ATP2B2: variants seen among roughly 807,000 people sequenced by gnomAD.
ATP2B2 encodes plasma membrane calcium-transporting ATPase 2.
ATP2B2 carries 15 observed loss-of-function variants against 120.0 expected under a neutral mutation model. The observed-to-expected ratio is 0.12, with a 90% CI of 0.08 to 0.19. ATP2B2 has a LOEUF of 0.19. ATP2B2 is among the 10% of genes least tolerant of loss of function. The pLI is 1.00. For synonymous variants in ATP2B2, 694 were observed against 700.3 expected (o/e 0.99, Z 0.14); for missense variants, 1,045 against 1,719.8 (o/e 0.61, Z 6.94).
At chr3:10,597,140 T>TACACACAGGCACATACACACAGGCAC (rs1419343936) in intron 2 of ATP2B2, among the ~76,000 whole-genome samples, 3 of 116,490 alleles carry the variant, frequency 2.6e-5, no homozygotes, top group African/African-American at 1.0e-4. Flanking sequence ...GGCAAACAGG[T>TACACACAGGCACATACACACAGGCAC]ACACACAGGC....
At chr3:10,508,661 T>G (rs1029415098), upstream of ATP2B2, among the ~76,000 whole-genome samples, 6 of 152,236 alleles carry the variant, frequency 3.9e-5, no homozygotes, top group African/African-American at 1.4e-4. Flanking sequence ...TTGCCTTCTC[T>G]TCCTGCAGCA....
intron 2 of ATP2B2, among the ~76,000 whole-genome samples, chr3:10,571,801 C>T (rs147502775): frequency 9.8e-5 from 15 of 152,310 alleles, no homozygotes; most frequent in Middle Eastern, 3.4e-3. Flanking sequence ...TGTCCTGTGT[C>T]GCTTCTGGCA....
At chr3:10,364,471 G>T (rs2060985425) in intron 12 of ATP2B2, among the ~76,000 whole-genome samples, 1 of 152,154 alleles carries the variant, frequency 6.6e-6, no homozygotes, top group Non-Finnish European at 1.5e-5. Flanking sequence ...AGCACTTTGG[G>T]AAGCTGAGGT....
At chr3:10,377,333 G>T (rs2061409787) in intron 10 of ATP2B2, among the ~76,000 whole-genome samples, 1 of 151,712 alleles carries the variant, frequency 6.6e-6, no homozygotes, top group South Asian at 2.1e-4. Context: ...GGGGCTGGAA[G>T]CCAAGCTCCC....
rs77260894 is a variant in ATP2B2, at chr3:10,468,790, T to C, written c.-319-18928A>G. Among the ~76,000 whole-genome samples, 317 of 152,304 alleles carry C rather than the reference T, an allele frequency of 2.1e-3. 5 individuals are homozygous for C. The South Asian group carries it at 0.041, about 20-fold the overall frequency. On this transcript the variant is annotated intron_variant, in intron 1 of 22. Coordinates refer to ENST00000360273, the MANE Select transcript of ATP2B2 (RefSeq NM_001001331.4). ...GTTCCTATCAGTGCCAAGTCCTGCT[T>C]CCTCTGCCATCTGTCTGCCTTGCCA...
chr3:10,643,727 G>T (rs1203428888), intron 1 of ATP2B2, among the ~76,000 whole-genome samples: 1 of 152,158 alleles, frequency 6.6e-6, no homozygotes, highest in African/African-American at 2.4e-5. Context: ...GCAAAGAAAG[G>T]CTGGGCAGAT....
At chr3:10,366,734 T>G (rs1163260098) in intron 12 of ATP2B2, among the ~76,000 whole-genome samples, 2 of 152,134 alleles carry the variant, frequency 1.3e-5, no homozygotes, top group Non-Finnish European at 2.9e-5. Context: ...AAGAGCTATT[T>G]CCATCTGAAA....
Position 10,400,979 on chromosome 3 carries a change from A to G in ATP2B2, c.755T>C (p.Val252Ala). ...TGACAGCAGCATGGGGTCCTTGTCCACGGACTTGCGCACCTGGTCAGACTC... is the reference window on the plus strand; with the variant it reads ...TGACAGCAGCATGGGGTCCTTGTCCGCGGACTTGCGCACCTGGTCAGACTC... ...TGESDQVRKSVDKDPMLLSGT... is the reference protein window; with the variant it reads ...TGESDQVRKSADKDPMLLSGT... The change falls in exon 5 of 23, where the codon GTG becomes GCG. Residue 252 changes from valine (V) to alanine (A), a missense_variant. Val to Ala is a moderately conservative substitution (Grantham distance 64). This residue lies in a region of ATP2B2 where 145 missense variants were observed against 202.0 expected (regional missense o/e 0.72). Transcript: ENST00000360273. 6.2e-7 allele frequency: 1 copy of G among 1,614,128 alleles called. No individual in the cohort carries two copies. The highest frequency in any genetic ancestry group is 8.5e-7 in the Non-Finnish European group (1 of 1,180,008).
intron 7 of ATP2B2, among the ~76,000 whole-genome samples, 192 bp from the exon 8 acceptor site, chr3:10,385,519 G>T (rs1316723014): frequency 6.6e-6 from 1 of 152,150 alleles, no homozygotes; most frequent in Non-Finnish European, 1.5e-5. Context: ...AGAGGTTGAG[G>T]GGAGAAACTC....
chr3:10,364,248 T>A (rs1459152959), intron 12 of ATP2B2, among the ~76,000 whole-genome samples: 1 of 152,162 alleles, frequency 6.6e-6, no homozygotes, highest in African/African-American at 2.4e-5. Context: ...AAACTTACCA[T>A]TTAATGGGTA....
At chr3:10,388,147 G>T in intron 6 of ATP2B2, 130 bp downstream of exon 6, 2 of 1,360,214 alleles carry the variant, frequency 1.5e-6, no homozygotes. Context: ...AAGGATGCAG[G>T]AGGTGGCTGT....
intron 2 of ATP2B2, among the ~76,000 whole-genome samples, chr3:10,562,367 T>C (rs974344793): frequency 1.3e-5 from 2 of 152,164 alleles, no homozygotes; most frequent in Non-Finnish European, 1.5e-5. Context: ...TGTGCGTGGG[T>C]GGGGGAGTTA....
At chr3:10,604,946 C>G (rs2069022297) in intron 2 of ATP2B2, among the ~76,000 whole-genome samples, 1 of 152,164 alleles carries the variant, frequency 6.6e-6, no homozygotes, top group African/African-American at 2.4e-5. Context: ...GAGCTTTAGC[C>G]CCTGCTGATC....
At chr3:10,691,479 G>A (rs1189624535) in intron 1 of ATP2B2, among the ~76,000 whole-genome samples, 1 of 152,116 alleles carries the variant, frequency 6.6e-6, no homozygotes, top group Non-Finnish European at 1.5e-5. Flanking sequence ...TGGTTCCTTG[G>A]ACTGAGCATC....
At chr3:10,648,458 C>T (rs1267609681) in intron 1 of ATP2B2, among the ~76,000 whole-genome samples, 1 of 152,240 alleles carries the variant, frequency 6.6e-6, no homozygotes, top group Non-Finnish European at 1.5e-5. Flanking sequence ...TGTTCCCTGA[C>T]TCTGCCATCA....
chr3:10,597,242 C>A (rs2125586759), intron 2 of ATP2B2, among the ~76,000 whole-genome samples: 1 of 150,170 alleles, frequency 6.7e-6, no homozygotes, highest in East Asian at 2.0e-4. Flanking sequence ...GGCACATACC[C>A]ACAGGCACAC....
At chr3:10,457,264 T>C (rs2064300115) in intron 1 of ATP2B2, among the ~76,000 whole-genome samples, 1 of 151,478 alleles carries the variant, frequency 6.6e-6, no homozygotes, top group South Asian at 2.1e-4. Context: ...GGGTGCAGGG[T>C]TAGTGTGAGT....
At chr3:10,442,755 C>T (rs2063711858) in intron 2 of ATP2B2, among the ~76,000 whole-genome samples, 1 of 152,154 alleles carries the variant, frequency 6.6e-6, no homozygotes, top group South Asian at 2.1e-4. Context: ...TAATTAAAAC[C>T]CAACGTCTCC....
chr3:10,474,757 C>T (rs1033841001), intron 1 of ATP2B2, among the ~76,000 whole-genome samples: 2 of 152,266 alleles, frequency 1.3e-5, no homozygotes, highest in Non-Finnish European at 2.9e-5. Context: ...GCCATAAATG[C>T]CCTCCCATGG....
Sources: allele counts gnomAD v4.1 joint callset (sites outside exome capture counted in the v4.1 genomes callset), GRCh38; gene constraint gnomAD v4.1.1; regional missense constraint gnomAD v4.1.1; transcripts MANE v1.5; gene names NCBI Gene and HGNC (gene_info 2026-07-23, HGNC 2026-07-21).